Variants in KCND2 observed in about 807,000 individuals in gnomAD.
KCND2 encodes A-type voltage-gated potassium channel KCND2.
KCND2 carries 16 observed loss-of-function variants against 54.4 expected under a neutral mutation model. That is an observed-to-expected ratio of 0.29 (90% CI 0.20 to 0.45). KCND2 has a LOEUF of 0.45. Ranked by LOEUF, KCND2 falls within the 20% of genes least tolerant of loss-of-function variation. The pLI, the probability that KCND2 is intolerant of heterozygous loss-of-function variation, is 1.00. For missense variants in KCND2, 486 were observed against 824.2 expected (o/e 0.59, Z 5.02); for synonymous variants, 317 against 310.7 (o/e 1.02, Z -0.21).
At chr7:120,377,230 T>G (rs1418617774) in intron 1 of KCND2, among the ~76,000 whole-genome samples, 2 of 151,916 alleles carry the variant, frequency 1.3e-5, no homozygotes, top group Non-Finnish European at 2.9e-5. Context: ...ATCAGAGAAA[T>G]ATAGGATATA....
chr7:120,584,131 A>C (rs1216647719), intron 1 of KCND2, among the ~76,000 whole-genome samples: 1 of 152,240 alleles, frequency 6.6e-6, no homozygotes, highest in Non-Finnish European at 1.5e-5. Flanking sequence ...ATTGACAGAG[A>C]CATATGGAGC....
intron 1 of KCND2, among the ~76,000 whole-genome samples, chr7:120,379,684 A>G (rs1800887746): frequency 6.6e-6 from 1 of 151,988 alleles, no homozygotes; most frequent in Non-Finnish European, 1.5e-5. Context: ...AGACTACATA[A>G]TGTTCTGCCT....
chr7:120,720,994 T>C (rs549485232), intron 1 of KCND2, among the ~76,000 whole-genome samples: 48 of 152,342 alleles, frequency 3.2e-4, no homozygotes, highest in Non-Finnish European at 6.2e-4. Flanking sequence ...GTACTTAGAA[T>C]GTGGGATATA....
rs1801634766 is a variant in KCND2, at chr7:120,422,100, G to A, written c.1115+146353G>A. 2.0e-5 allele frequency among the ~76,000 whole-genome samples: 3 copies of A among 152,158 alleles called. No homozygotes were observed. In the South Asian group the frequency reaches 6.2e-4, roughly 32 times the overall value. The stretch of plus-strand genomic sequence containing the variant: ...AGTGAAGGGGTGGATCCTCTCATCT[G>A]GGCCTGACATATGTAGCAGGGTTGA... On this transcript the variant is annotated intron_variant, in intron 1 of 5. Coordinates refer to ENST00000331113, the MANE Select transcript of KCND2 (RefSeq NM_012281.3).
At chr7:120,483,787 C>T (rs1021951651) in intron 1 of KCND2, among the ~76,000 whole-genome samples, 20 of 152,182 alleles carry the variant, frequency 1.3e-4, no homozygotes, top group South Asian at 2.1e-4. Flanking sequence ...GTAAAATGAA[C>T]GACTGATTGT....
chr7:120,660,140 A>G lies in KCND2; in HGVS notation c.1116-72763A>G, dbSNP rs560561874. On this transcript the variant is annotated intron_variant, in intron 1 of 5. Transcript: ENST00000331113. ...CAACACATGGGCATGACTTACTGCT[A>G]CTTTCAAATATATTATCCAGATTCT... Among the ~76,000 whole-genome samples the G allele has an allele frequency of 3.3e-5, 5 of 152,292 alleles. No homozygotes were observed. The South Asian group carries it at 1.0e-3, about 32-fold the overall frequency.
chr7:120,301,841 G>A (rs145902468), intron 1 of KCND2, among the ~76,000 whole-genome samples: 39 of 152,172 alleles, frequency 2.6e-4, no homozygotes, highest in African/African-American at 8.9e-4. Context: ...ACATCGTTTT[G>A]TGCATCACCC....
At chr7:120,702,366 G>C (rs753608038) in intron 1 of KCND2, among the ~76,000 whole-genome samples, 12 of 152,150 alleles carry the variant, frequency 7.9e-5, no homozygotes, top group Non-Finnish European at 1.6e-4. Flanking sequence ...TTCAACCATT[G>C]TGGAATGCAG....
At chr7:120,313,352 C>T (rs1415584460) in intron 1 of KCND2, among the ~76,000 whole-genome samples, 2 of 151,908 alleles carry the variant, frequency 1.3e-5, no homozygotes, top group Non-Finnish European at 2.9e-5. Context: ...TAAATGTATG[C>T]ATGACAATTA....
intron 1 of KCND2, among the ~76,000 whole-genome samples, chr7:120,676,164 C>G (rs1184082717): frequency 1.3e-5 from 2 of 152,126 alleles, no homozygotes; most frequent in Non-Finnish European, 2.9e-5. Context: ...GCACAAGGAA[C>G]AGCCTAGCAT....
chr7:120,722,925 A>G (rs1024789473), intron 1 of KCND2, among the ~76,000 whole-genome samples: 28 of 152,128 alleles, frequency 1.8e-4, no homozygotes, highest in African/African-American at 6.8e-4. Context: ...AGCAAGTGAG[A>G]GTGGTGGCTG....
intron 1 of KCND2, among the ~76,000 whole-genome samples, chr7:120,312,741 A>G (rs962678493): frequency 3.9e-5 from 6 of 152,164 alleles, no homozygotes; most frequent in African/African-American, 1.4e-4. Flanking sequence ...CATCCATGAC[A>G]TTACAGAAGG....
At chr7:120,573,084 C>T (rs1415684281) in intron 1 of KCND2, among the ~76,000 whole-genome samples, 1 of 152,168 alleles carries the variant, frequency 6.6e-6, no homozygotes, top group African/African-American at 2.4e-5. Flanking sequence ...AGTGTTGAAT[C>T]TGGAATTTTA....
rs986921044 is a variant in KCND2 at position 120,749,929 on chromosome 7, G to A, written c.*2071G>A. On this transcript the variant is annotated 3_prime_UTR_variant, in exon 6 of 6. Transcript: ENST00000331113. ...ATTACTATGTCTTTTGATTCCCAAT[G>A]AGAAGTTCTATTTTCATGTTCTTAA... 25 of 151,908 alleles carry A rather than the reference G, an allele frequency of 1.6e-4. No individual in the cohort carries two copies. The highest frequency in any genetic ancestry group is 2.9e-4 in the Non-Finnish European group (20 of 67,838). 9.4% of individuals were successfully genotyped at this position (151,908 alleles called of 1,614,324 possible).
intron 1 of KCND2, among the ~76,000 whole-genome samples, chr7:120,538,195 GGAGA>G (rs769347614): frequency 1.3e-5 from 2 of 152,036 alleles, no homozygotes; most frequent in African/African-American, 2.4e-5. Flanking sequence ...CAAAGGAGAG[GGAGA>G]GAGTTAGGGG....
chr7:120,430,133 A>G (rs1371598891), intron 1 of KCND2, among the ~76,000 whole-genome samples: 1 of 152,176 alleles, frequency 6.6e-6, no homozygotes, highest in Non-Finnish European at 1.5e-5. Flanking sequence ...GTTTTTTCAC[A>G]GTTCTGAAGG....
At chr7:120,513,225 C>G (rs1257499115) in intron 1 of KCND2, among the ~76,000 whole-genome samples, 6 of 152,144 alleles carry the variant, frequency 3.9e-5, no homozygotes, top group African/African-American at 1.4e-4. Flanking sequence ...CACAAACGTG[C>G]TGAAGCAGGT....
At chr7:120,380,793 G>A (rs769896112) in intron 1 of KCND2, among the ~76,000 whole-genome samples, 1 of 151,972 alleles carries the variant, frequency 6.6e-6, no homozygotes, top group Non-Finnish European at 1.5e-5. Flanking sequence ...AACTGAGCCT[G>A]CATTCTACCC....
Position 120,532,623 on chromosome 7 carries a change from A to T in KCND2, c.1116-200280A>T, listed in dbSNP as rs115786152. ...TGTATTCCTTCAAATCACTACAGAA[A>T]CAAAAGATAAGCCAGATTACTAAAA... On this transcript the variant is annotated intron_variant, in intron 1 of 5. Transcript: ENST00000331113. 6.5e-3 allele frequency among the ~76,000 whole-genome samples: 988 copies of T among 152,108 alleles called. 9 individuals are homozygous for T. Among genetic ancestry groups the T allele is most frequent in the African/African-American group, 0.022 (912 of 41,560 alleles).
Sources: gnomAD v4.1 joint callset for allele counts (sites outside exome capture counted in the v4.1 genomes callset) on GRCh38, gnomAD v4.1.1 for gene constraint, MANE v1.5 for transcripts, NCBI Gene and HGNC (gene_info 2026-07-23, HGNC 2026-07-21) for gene names.